USO1: variants seen among roughly 807,000 people sequenced by gnomAD.
USO1 encodes USO1 vesicle transport factor.
Under a neutral mutation model 124.5 loss-of-function variants are expected in USO1, and 57 were observed. The observed-to-expected ratio is 0.46, with a 90% CI of 0.37 to 0.57. USO1 has a LOEUF of 0.57. Ranked by LOEUF, USO1 falls within the 20% of genes least tolerant of loss-of-function variation. The pLI, the probability that USO1 is intolerant of heterozygous loss-of-function variation, is 0.00. For synonymous variants in USO1, 369 were observed against 362.8 expected, an observed-to-expected ratio of 1.02 and a Z score of -0.19; for missense variants, 900 against 1,040.6, an observed-to-expected ratio of 0.86 and a Z score of 1.86.
intron 4 of USO1, 177 bp from the exon 5 acceptor site, chr4:75,770,262 G>C (rs1185314420): frequency 1.2e-5 from 5 of 420,832 alleles, no homozygotes; most frequent in African/African-American, 6.2e-5. Flanking sequence ...AAATGAATTT[G>C]AACATTATTT....
intron 1 of USO1, among the ~76,000 whole-genome samples, chr4:75,744,399 T>G (rs1365756703): frequency 1.3e-5 from 2 of 152,192 alleles, no homozygotes; most frequent in Non-Finnish European, 2.9e-5. Flanking sequence ...AGCTGGCTTA[T>G]TCACTGCTGT....
intron 7 of USO1, 39 bp downstream of exon 7, chr4:75,771,176 C>CT (rs773007726): frequency 2.1e-5 from 32 of 1,553,950 alleles, no homozygotes; most frequent in South Asian, 6.1e-5. Context: ...AAATATGTGG[C>CT]TTTTTTTTCT....
rs770530861 is a variant in USO1, at chr4:75,774,812, AT to A, written c.676+18del. On this transcript the variant is annotated intron_variant, in intron 8 of 23. Coordinates refer to ENST00000514213, the MANE Select transcript of USO1 (RefSeq NM_003715.4). ...AGTGATGGAGGTATAGTATGAAGAA[AT>A]TATTTGAAGACATTCCTTTTGTACT... 1.4e-5 allele frequency: 23 copies of A among 1,610,778 alleles called. 1 individual carries two copies. Among genetic ancestry groups the A allele is most frequent in the African/African-American group, 2.7e-5 (2 of 74,940 alleles).
chr4:75,763,382 T>C (rs1456514841), intron 4 of USO1, among the ~76,000 whole-genome samples: 1 of 152,232 alleles, frequency 6.6e-6, no homozygotes, highest in African/African-American at 2.4e-5. Flanking sequence ...CAGTATTCAG[T>C]AAATTACATG....
intron 13 of USO1, 111 bp downstream of exon 13, chr4:75,794,012 G>A: frequency 6.9e-7 from 1 of 1,443,612 alleles, no homozygotes; most frequent in Non-Finnish European, 9.2e-7. Context: ...GACTTATTCT[G>A]TTTATTAGTT....
chr4:75,788,729 A>G (rs1722442796), intron 10 of USO1, among the ~76,000 whole-genome samples: 1 of 151,658 alleles, frequency 6.6e-6, no homozygotes, highest in Admixed American at 6.6e-5. Flanking sequence ...TTTTTAGTAG[A>G]GACGGGGTTC....
chr4:75,778,153 G>A (rs1722122398), intron 8 of USO1, among the ~76,000 whole-genome samples: 1 of 152,086 alleles, frequency 6.6e-6, no homozygotes, highest in African/African-American at 2.4e-5. Context: ...GGACACCAAT[G>A]CCCCAGTTGA....
intron 7 of USO1, among the ~76,000 whole-genome samples, chr4:75,772,593 T>C (rs1226563512): frequency 6.6e-6 from 1 of 152,158 alleles, no homozygotes; most frequent in Non-Finnish European, 1.5e-5. Context: ...AAATGTCTTA[T>C]TTAACTAGGT....
At chr4:75,729,183 T>A (rs1466431779) in intron 1 of USO1, among the ~76,000 whole-genome samples, 1 of 152,214 alleles carries the variant, frequency 6.6e-6, no homozygotes, top group Non-Finnish European at 1.5e-5. Flanking sequence ...TTGACACAGT[T>A]TGCTGGGTGC....
intron 1 of USO1, among the ~76,000 whole-genome samples, chr4:75,733,919 T>C (rs1382658742): frequency 1.3e-5 from 2 of 149,586 alleles, no homozygotes; most frequent in East Asian, 3.9e-4. Flanking sequence ...TGATATCTCC[T>C]AGATTTTCTT....
intron 4 of USO1, chr4:75,767,453 T>G: frequency 2.2e-6 from 1 of 447,218 alleles, no homozygotes; most frequent in Non-Finnish European, 4.5e-6. Context: ...TTTAAAAGTT[T>G]GTAACTCTTG....
At chr4:75,729,317 C>G (rs1720560207) in intron 1 of USO1, among the ~76,000 whole-genome samples, 3 of 151,790 alleles carry the variant, frequency 2.0e-5, no homozygotes, top group African/African-American at 7.3e-5. Flanking sequence ...AGTGTTATAT[C>G]TGCCTTCTAT....
rs552740115 is a variant in USO1, at chr4:75,810,668, T to C, written c.2583+129T>C. On this transcript the variant is annotated intron_variant, in intron 22 of 23. Transcript: ENST00000514213. Reference sequence around the variant, plus strand: ...ATGTGTAATTTTATCTCACAACATTTTCACTCCTATATTGATGATTTAAGA... The same window carrying C: ...ATGTGTAATTTTATCTCACAACATTCTCACTCCTATATTGATGATTTAAGA... The C allele has an allele frequency of 1.1e-4, 122 of 1,147,686 alleles. No homozygotes were observed. The African/African-American group carries it at 1.7e-3, about 16-fold the overall frequency. The allele number at this position is 1,147,686 out of a possible 1,614,324, so 71.1% of individuals were successfully genotyped here.
intron 13 of USO1, 66 bp downstream of exon 13, chr4:75,793,967 G>A (rs993404601): frequency 1.4e-5 from 23 of 1,587,784 alleles, no homozygotes; most frequent in Middle Eastern, 3.4e-4. Flanking sequence ...ATTTAAGGAT[G>A]TCTTTAGAAG....
At position 75,805,135 on chromosome 4, in the gene USO1, A is replaced by G. The variant is rs757501790; in HGVS notation, c.2126-5A>G. ...GGCTTTTAAAATGTTATGTCTGTCT[A>G]ACAGGAAAAGACAATCAGCATCAAG... On this transcript the variant is annotated splice_polypyrimidine_tract_variant and splice_region_variant and intron_variant, in intron 18 of 23. Coordinates refer to ENST00000514213, the MANE Select transcript of USO1 (RefSeq NM_003715.4). The G allele has an allele frequency of 7.0e-6, 11 of 1,569,614 alleles. No homozygotes were observed. The highest frequency in any genetic ancestry group is 1.7e-4 in the Middle Eastern group (1 of 5,846).
Position 75,813,418 on chromosome 4 carries a change from C to T in USO1, c.*123C>T. 7.4e-6 allele frequency: 8 copies of T among 1,073,836 alleles called. No homozygotes were observed. Among genetic ancestry groups the T allele is most frequent in the Non-Finnish European group, 8.6e-6 (7 of 811,882 alleles). 66.5% of individuals were successfully genotyped at this position (1,073,836 alleles called of 1,614,324 possible). On this transcript the variant is annotated 3_prime_UTR_variant, in exon 24 of 24. Coordinates refer to ENST00000514213, the MANE Select transcript of USO1 (RefSeq NM_003715.4). ...AGGTGGAAAACATTCACTATTAAGACTATTGATATATTTTTGTAATGTTGC... is the reference window on the plus strand; with the variant it reads ...AGGTGGAAAACATTCACTATTAAGATTATTGATATATTTTTGTAATGTTGC...
chr4:75,786,975 C>T, intron 9 of USO1, 87 bp from the exon 10 acceptor site: 2 of 1,397,512 alleles, frequency 1.4e-6, no homozygotes, highest in South Asian at 1.7e-5. Flanking sequence ...GTACTTCATG[C>T]AGACTTTCTT....
chr4:75,805,223 G>A lies in USO1; in HGVS notation c.2209G>A (p.Glu737Lys). ...GCCAGAAGAAATTGGTAGATTGCGA[G>A]AAGAGATAGAAGAATTAAAACGTAA... ...IQPEEIGRLR[E>K]EIEELKRNQE... is the part of the protein sequence containing the mutation. The change falls in exon 19 of 24, where the codon GAA (glutamate) becomes AAA (lysine). Residue 737 changes from glutamate to lysine, a missense_variant. Transcript: ENST00000514213. 1 of 1,613,114 alleles carries A rather than the reference G, an allele frequency of 6.2e-7. No homozygotes were observed. The highest frequency in any genetic ancestry group is 2.2e-5 in the East Asian group (1 of 44,818).
chr4:75,752,204 C>G (rs1721312937), intron 1 of USO1, among the ~76,000 whole-genome samples, 169 bp from the exon 2 acceptor site: 1 of 152,044 alleles, frequency 6.6e-6, no homozygotes, highest in Non-Finnish European at 1.5e-5. Context: ...TATTTGATCT[C>G]TGTAATGAGA....
Sources: allele counts gnomAD v4.1 joint callset (sites outside exome capture counted in the v4.1 genomes callset), GRCh38; gene constraint gnomAD v4.1.1; transcripts MANE v1.5; gene names NCBI Gene and HGNC (gene_info 2026-07-23, HGNC 2026-07-21).